Variants in COL26A1 observed in about 807,000 individuals in gnomAD.
COL26A1 encodes the protein collagen alpha-1(XXVI) chain.
A neutral mutation model predicts 59.3 loss-of-function variants in COL26A1; 41 were observed. That is an observed-to-expected ratio of 0.69 (90% CI 0.54 to 0.90). The LOEUF is 0.90. Among genes scored for constraint, COL26A1 ranks in the 40% least tolerant of loss-of-function variants. The probability of loss-of-function intolerance (pLI) is 0.00; values close to 1 mark genes in which losing one functional copy is unlikely to be tolerated. For synonymous variants in COL26A1, 266 were observed against 256.0 expected (o/e 1.04, Z -0.37); for missense variants, 612 against 602.3 (o/e 1.02, Z -0.17).
chr7:101,451,505 C>T (rs906238474), intron 3 of COL26A1, among the ~76,000 whole-genome samples: 1 of 148,758 alleles, frequency 6.7e-6, no homozygotes, highest in Admixed American at 6.8e-5. Context: ...AAAGGAAATG[C>T]CAAGTAGAAC....
At chr7:101,401,697 GA>G (rs1562963422) in intron 1 of COL26A1, among the ~76,000 whole-genome samples, 29 of 121,286 alleles carry the variant, frequency 2.4e-4, no homozygotes, top group African/African-American at 3.3e-4. Context: ...TGAGGAGGAG[GA>G]AGAGTAGGAG....
At chr7:101,457,726 TAA>T (rs1793510071) in intron 3 of COL26A1, among the ~76,000 whole-genome samples, 1 of 152,186 alleles carries the variant, frequency 6.6e-6, no homozygotes, top group African/African-American at 2.4e-5. Context: ...GAACTTTATA[TAA>T]ATGGAACCAT....
At chr7:101,432,531 A>G (rs564621915) in intron 2 of COL26A1, among the ~76,000 whole-genome samples, 1 of 152,108 alleles carries the variant, frequency 6.6e-6, no homozygotes, top group African/African-American at 2.4e-5. Context: ...GATGTCAGGC[A>G]TGAGAGGTGG....
chr7:101,371,192 G>T (rs758274161), intron 1 of COL26A1, among the ~76,000 whole-genome samples: 1 of 152,196 alleles, frequency 6.6e-6, no homozygotes, highest in Non-Finnish European at 1.5e-5. Flanking sequence ...GGACTCAAAC[G>T]TGAAGGCAGG....
chr7:101,511,474 G>A (rs1321293022), intron 3 of COL26A1, among the ~76,000 whole-genome samples: 1 of 152,220 alleles, frequency 6.6e-6, no homozygotes, highest in Admixed American at 6.5e-5. Flanking sequence ...GCCCTTGTGG[G>A]TTCCGTTAAG....
chr7:101,466,681 C>A (rs568112060), intron 3 of COL26A1, among the ~76,000 whole-genome samples: 1 of 152,042 alleles, frequency 6.6e-6, no homozygotes, highest in Non-Finnish European at 1.5e-5. Context: ...CACAGCGAGA[C>A]CCTGTCTCCA....
rs869245512 is a variant in COL26A1, at chr7:101,517,798, ATTTTTTTTTT to A, written c.386-15260_386-15251del. 1.1e-3 allele frequency among the ~76,000 whole-genome samples: 83 copies of A among 76,912 alleles called. 3 individuals are homozygous for A. In the South Asian group the frequency reaches 0.011, roughly 10 times the overall value. 50.5% of individuals were successfully genotyped at this position (76,912 alleles called of 152,430 possible). On this transcript the variant is annotated intron_variant, in intron 3 of 12. Transcript: ENST00000313669. Reference sequence around the variant, plus strand: ...TCAGAGAAGCTTCCCTTCTCCCCGCATTTTTTTTTTTTTTTTTTTTTTTTTTTTTTTTTGA... The same window carrying A: ...TCAGAGAAGCTTCCCTTCTCCCCGCATTTTTTTTTTTTTTTTTTTTTTTGA...
intron 9 of COL26A1, among the ~76,000 whole-genome samples, 153 bp downstream of exon 9, chr7:101,549,376 T>G (rs144125883): frequency 0.037 from 5,604 of 152,290 alleles, 108 homozygotes; most frequent in Middle Eastern, 0.12. Context: ...TTATTTTGTT[T>G]TATTTATTTT....
intron 1 of COL26A1, among the ~76,000 whole-genome samples, chr7:101,376,839 A>T (rs1306336114): frequency 6.6e-6 from 1 of 151,690 alleles, no homozygotes; most frequent in African/African-American, 2.4e-5. Flanking sequence ...GAGGCTGAGG[A>T]TTTATTTTCT....
At chr7:101,364,036 G>T (rs998191560) in intron 1 of COL26A1, among the ~76,000 whole-genome samples, 2 of 152,082 alleles carry the variant, frequency 1.3e-5, no homozygotes, top group African/African-American at 4.8e-5. Context: ...GCTCCGTGGC[G>T]GGGTTGGAGA....
rs57804886 is a variant in COL26A1 at position 101,375,068 on chromosome 7, A to AT, written c.158+11886dup. On this transcript the variant is annotated intron_variant, in intron 1 of 12. Coordinates refer to ENST00000313669, the MANE Select transcript of COL26A1 (RefSeq NM_001278563.3). ...GAGTAAGACTCCATCTTAAAAAAAAATTTTTTTTAAATAAATAAAAAAAAA... is the reference window on the plus strand; with the variant it reads ...GAGTAAGACTCCATCTTAAAAAAAAATTTTTTTTTAAATAAATAAAAAAAAA... Among the ~76,000 whole-genome samples, 1,131 of 150,394 alleles carry AT rather than the reference A, an allele frequency of 7.5e-3. 12 individuals are homozygous for AT. Among genetic ancestry groups the AT allele is most frequent in the African/African-American group, 0.026 (1,056 of 40,682 alleles).
rs189312799 is a variant in COL26A1, at chr7:101,506,228, C to T, written c.386-26854C>T. Among the ~76,000 whole-genome samples the T allele has an allele frequency of 3.3e-4, 50 of 152,324 alleles. 1 individual carries two copies. The East Asian group carries it at 8.7e-3, about 26-fold the overall frequency. On this transcript the variant is annotated intron_variant, in intron 3 of 12. Coordinates refer to ENST00000313669, the MANE Select transcript of COL26A1 (RefSeq NM_001278563.3). The stretch of plus-strand genomic sequence containing the variant: ...TCCTGACTGTCCCGGTTGTTTGGGG[C>T]GGCCAGGAGGCCCCCTGGAATCCCT...
At chr7:101,473,406 T>A (rs889903494) in intron 3 of COL26A1, among the ~76,000 whole-genome samples, 22 of 152,148 alleles carry the variant, frequency 1.4e-4, no homozygotes, top group African/African-American at 5.3e-4. Context: ...CGCTTTTTGG[T>A]CTGCTAGGAC....
chr7:101,463,889 CT>C (rs1450043032), intron 3 of COL26A1, among the ~76,000 whole-genome samples: 40 of 79,744 alleles, frequency 5.0e-4, no homozygotes, highest in African/African-American at 2.5e-3. Context: ...TTCTTTCTTT[CT>C]TTCTTTCTTT....
In COL26A1 at chr7:101,400,351, C is replaced by CTTTTTTTT. The variant is rs1387032420; in HGVS notation, c.159-19625_159-19624insTTTTTTTT. ...GTCCACACTGCCTTTCTTTTTTTTCCTATTTTTTTTTTTTTTTTTTTTTTT... is the reference window on the plus strand; with the variant it reads ...GTCCACACTGCCTTTCTTTTTTTTCCTTTTTTTTTATTTTTTTTTTTTTTTTTTTTTTT... On this transcript the variant is annotated intron_variant, in intron 1 of 12. Coordinates refer to ENST00000313669, the MANE Select transcript of COL26A1 (RefSeq NM_001278563.3). Among the ~76,000 whole-genome samples, 8 of 123,352 alleles carry CTTTTTTTT rather than the reference C, an allele frequency of 6.5e-5. 3 individuals are homozygous for CTTTTTTTT. Among genetic ancestry groups the CTTTTTTTT allele is most frequent in the Non-Finnish European group, 8.5e-5 (5 of 59,072 alleles). 80.9% of individuals were successfully genotyped at this position (123,352 alleles called of 152,430 possible).
chr7:101,557,288 C>T (rs1456073695), intron 12 of COL26A1, 82 bp from the exon 13 acceptor site: 16 of 1,417,108 alleles, frequency 1.1e-5, no homozygotes, highest in African/African-American at 9.9e-5. Context: ...AGCATCTCTC[C>T]GTGGCCACAT....
At chr7:101,540,967 C>A (rs1011385326) in intron 5 of COL26A1, among the ~76,000 whole-genome samples, 13 of 152,158 alleles carry the variant, frequency 8.5e-5, no homozygotes, top group Admixed American at 7.2e-4. Flanking sequence ...CATAGTGAGA[C>A]CCTGTCTCTA....
At chr7:101,444,012 C>T (rs2130365557) in intron 2 of COL26A1, among the ~76,000 whole-genome samples, 1 of 151,956 alleles carries the variant, frequency 6.6e-6, no homozygotes, top group South Asian at 2.1e-4. Context: ...GCTGGGACTA[C>T]AGGTGTGCAC....
intron 5 of COL26A1, among the ~76,000 whole-genome samples, chr7:101,543,483 G>C (rs1358448987): frequency 2.6e-5 from 4 of 152,146 alleles, no homozygotes; most frequent in African/African-American, 9.7e-5. Flanking sequence ...GGGAGAAAAG[G>C]CTGTCCCCTG....
Sources: allele counts gnomAD v4.1 joint callset (sites outside exome capture counted in the v4.1 genomes callset), GRCh38; gene constraint gnomAD v4.1.1; transcripts MANE v1.5; gene names NCBI Gene and HGNC (gene_info 2026-07-23, HGNC 2026-07-21).